MTARC1: variants seen among roughly 807,000 people sequenced by gnomAD.
MTARC1 encodes mitochondrial amidoxime reducing component 1.
In MTARC1, 24 loss-of-function variants were observed where a neutral mutation model predicts 33.6. The observed-to-expected ratio is 0.72, with a 90% CI of 0.52 to 1.01. The LOEUF is 1.01. MTARC1 is among the 50% of genes least tolerant of loss of function. MTARC1 has a pLI of 0.00. For synonymous variants in MTARC1, 187 were observed against 189.5 expected, an observed-to-expected ratio of 0.99 and a Z score of 0.11; for missense variants, 417 against 445.7, an observed-to-expected ratio of 0.94 and a Z score of 0.58.
At chr1:220,792,018 C>T (rs770848597) in intron 2 of MTARC1, among the ~76,000 whole-genome samples, 49 of 152,130 alleles carry the variant, frequency 3.2e-4, no homozygotes, top group East Asian at 5.8e-4. Flanking sequence ...AGGTGAAACT[C>T]GATCTACGTA....
chr1:220,787,290 A>G, intron 1 of MTARC1, 71 bp downstream of exon 1: 2 of 1,462,616 alleles, frequency 1.4e-6, no homozygotes, highest in Non-Finnish European at 1.8e-6. Context: ...GGAGGAGCGC[A>G]GGGGAGGTCT....
At chr1:220,806,162 A>G (rs901229966) in intron 6 of MTARC1, among the ~76,000 whole-genome samples, 1 of 152,272 alleles carries the variant, frequency 6.6e-6, no homozygotes, top group Non-Finnish European at 1.5e-5. Flanking sequence ...TTAGCATACA[A>G]GCACTTCAGA....
chr1:220,787,342 C>T (rs946356201), intron 1 of MTARC1, 123 bp downstream of exon 1: 3 of 1,338,080 alleles, frequency 2.2e-6, no homozygotes, highest in South Asian at 3.6e-5. Context: ...TACAAAGAAA[C>T]TGGGAGTTGG....
rs1672622138 is a variant in MTARC1 at position 220,796,533 on chromosome 1, A to G, written c.450-110A>G. The G allele has an allele frequency of 8.7e-6, 11 of 1,268,282 alleles. No individual in the cohort carries two copies. In the Admixed American group the frequency reaches 9.3e-5, roughly 11 times the overall value. 78.6% of individuals were successfully genotyped at this position (1,268,282 alleles called of 1,614,324 possible). ...AAATTACATCTTCTGATAATTAAGA[A>G]ATGACAGTAATGTTACAGCTAGGAG... is the stretch of plus-strand genomic sequence containing the variant. On this transcript the variant is annotated intron_variant, in intron 2 of 6. Coordinates refer to ENST00000366910, the MANE Select transcript of MTARC1 (RefSeq NM_022746.4).
chr1:220,792,316 G>A (rs1337487127), intron 2 of MTARC1, among the ~76,000 whole-genome samples: 1 of 152,128 alleles, frequency 6.6e-6, no homozygotes, highest in Non-Finnish European at 1.5e-5. Context: ...AGGAAAACTA[G>A]TTTTGCCTCC....
chr1:220,790,960 AT>A (rs1347656837), intron 1 of MTARC1: 1 of 152,474 alleles, frequency 6.6e-6, no homozygotes, highest in Non-Finnish European at 1.5e-5. Context: ...GGAACATAAA[AT>A]TTTTAAAAGG....
At position 220,791,541 on chromosome 1, in the gene MTARC1, A is replaced by T. The variant is rs772831403; in HGVS notation, c.326A>T (p.Glu109Val). ...QEGNMVTARQ[E>V]PRLVLISLTC... is the part of the protein sequence containing the mutation. The stretch of plus-strand genomic sequence containing the variant: ...GGAAACATGGTTACTGCTCGCCAGG[A>T]ACCTCGCCTGGTCCTGATTTCCCTG... The change falls in exon 2 of 7, where the codon GAA becomes GTA. Residue 109 changes from glutamate (E) to valine (V), a missense_variant. Transcript: ENST00000366910. 17 of 1,614,152 alleles carry T rather than the reference A, an allele frequency of 1.1e-5. No individual in the cohort carries two copies. Among genetic ancestry groups the T allele is most frequent in the Non-Finnish European group, 1.4e-5 (17 of 1,180,024 alleles).
chr1:220,787,060 C>T lies in MTARC1; in HGVS notation c.116C>T (p.Ala39Val), dbSNP rs1489719153. Reference sequence around the variant, plus strand: ...ACCGCGGTGGCGCTGGGGGCTGTCGCCTGGCGCCGCGCATGGCCCACGCGG... The same window carrying T: ...ACCGCGGTGGCGCTGGGGGCTGTCGTCTGGCGCCGCGCATGGCCCACGCGG... ...GLTAVALGAV[A>V]WRRAWPTRRR... Residue 39 changes from alanine (A) to valine (V), a missense_variant, in exon 1 of 7, where the codon GCC becomes GTC. Coordinates refer to ENST00000366910, the MANE Select transcript of MTARC1 (RefSeq NM_022746.4). 4.2e-6 allele frequency: 6 copies of T among 1,433,514 alleles called. No homozygotes were observed. The allele number at this position is 1,433,514 out of a possible 1,614,324, so 88.8% of individuals were successfully genotyped here. A position where few individuals can be genotyped will look rare whatever the true frequency, so the allele number is the denominator to read the frequency against.
At chr1:220,801,992 G>A (rs189835848) in intron 4 of MTARC1, among the ~76,000 whole-genome samples, 2 of 152,236 alleles carry the variant, frequency 1.3e-5, no homozygotes, top group African/African-American at 4.8e-5. Context: ...CACAGTCAGT[G>A]ACCGTTTCTC....
intron 4 of MTARC1, among the ~76,000 whole-genome samples, chr1:220,799,861 G>A (rs1181758002): frequency 1.2e-4 from 18 of 152,178 alleles, no homozygotes; most frequent in Non-Finnish European, 7.3e-5. Flanking sequence ...TGTAAAACAC[G>A]GGCAGTTTCA....
chr1:220,804,899 A>G (rs1196062201), intron 4 of MTARC1, among the ~76,000 whole-genome samples, 153 bp from the exon 5 acceptor site: 1 of 152,160 alleles, frequency 6.6e-6, no homozygotes, highest in Non-Finnish European at 1.5e-5. Flanking sequence ...GTGTGTGGGT[A>G]TCACTTGGCA....
At chr1:220,808,328 C>T (rs1034192561) in intron 6 of MTARC1, among the ~76,000 whole-genome samples, 6 of 152,198 alleles carry the variant, frequency 3.9e-5, no homozygotes, top group Non-Finnish European at 5.9e-5. Context: ...CCTGATCTTC[C>T]GCAGGCTTTG....
chr1:220,802,404 T>C (rs954902571), intron 4 of MTARC1, among the ~76,000 whole-genome samples: 5 of 152,246 alleles, frequency 3.3e-5, no homozygotes, highest in African/African-American at 1.2e-4. Flanking sequence ...TGATCTCAGC[T>C]CACTGCAACC....
intron 1 of MTARC1, 21 bp downstream of exon 1, chr1:220,787,240 G>A (rs374402930): frequency 4.5e-6 from 7 of 1,549,236 alleles, no homozygotes; most frequent in Admixed American, 1.9e-5. Context: ...GCGCCGGCGC[G>A]GGGCAGCGCT....
At position 220,817,039 on chromosome 1, in the gene MTARC1, T is replaced by A. The variant is rs890624514; in HGVS notation, c.*3621T>A. On this transcript the variant is annotated 3_prime_UTR_variant, in exon 7 of 7. Transcript: ENST00000366910. ...CACCTGTGATGAAAGTGCTCCAGGA[T>A]GCTTCATGCACCAGGGAGGGGTGCC... 6.6e-6 allele frequency: 1 copy of A among 151,974 alleles called. No homozygotes were observed. Among genetic ancestry groups the A allele is most frequent in the African/African-American group, 2.4e-5 (1 of 41,362 alleles). 9.4% of individuals were successfully genotyped at this position (151,974 alleles called of 1,614,324 possible).
intron 1 of MTARC1, 139 bp downstream of exon 1, chr1:220,787,358 A>G: frequency 7.5e-7 from 1 of 1,334,798 alleles, no homozygotes; most frequent in Non-Finnish European, 9.6e-7. Context: ...GTTGGGTGAG[A>G]CAAGGCCAAA....
intron 1 of MTARC1, among the ~76,000 whole-genome samples, chr1:220,787,551 A>G (rs1049857268): frequency 3.9e-5 from 6 of 152,042 alleles, no homozygotes; most frequent in Non-Finnish European, 7.4e-5. Context: ...CTTAATCTCC[A>G]TTTAGTGGAG....
At chr1:220,791,340 T>A (rs1672413171) in intron 1 of MTARC1, 151 bp from the exon 2 acceptor site, 2 of 779,936 alleles carry the variant, frequency 2.6e-6, no homozygotes, top group East Asian at 5.4e-5. Flanking sequence ...GTGCTGATGT[T>A]TAGGACAGAC....
intron 2 of MTARC1, among the ~76,000 whole-genome samples, chr1:220,792,498 C>T (rs905208715): frequency 3.3e-5 from 5 of 152,218 alleles, no homozygotes; most frequent in South Asian, 2.1e-4. Flanking sequence ...ATCTGAACAA[C>T]GTCTAAAGAC....
Sources: allele counts gnomAD v4.1 joint callset (sites outside exome capture counted in the v4.1 genomes callset), GRCh38; gene constraint gnomAD v4.1.1; transcripts MANE v1.5; gene names NCBI Gene and HGNC (gene_info 2026-07-23, HGNC 2026-07-21).